CPT2: variants seen among roughly 807,000 people sequenced by gnomAD.
CPT2 encodes carnitine O-palmitoyltransferase 2, mitochondrial.
In CPT2, 37 loss-of-function variants were observed where a neutral mutation model predicts 48.6. The observed-to-expected ratio is 0.76, with a 90% CI of 0.59 to 1.00. The LOEUF (loss-of-function observed/expected upper bound fraction) is 1.00. CPT2 is among the 50% of genes least tolerant of loss of function. The probability of loss-of-function intolerance (pLI) is 0.00; values close to 1 mark genes in which losing one functional copy is unlikely to be tolerated. For missense variants in CPT2, 772 were observed against 825.6 expected, an observed-to-expected ratio of 0.94 and a Z score of 0.80; for synonymous variants, 319 against 326.9, an observed-to-expected ratio of 0.98 and a Z score of 0.26.
At chr1:53,198,884 T>A (rs1283437707) in intron 1 of CPT2, among the ~76,000 whole-genome samples, 1 of 152,152 alleles carries the variant, frequency 6.6e-6, no homozygotes, top group Non-Finnish European at 1.5e-5. Flanking sequence ...GAGATGAGAT[T>A]CCTTCTGTCG....
In CPT2 at chr1:53,211,269, T is replaced by C; in HGVS notation, c.1595T>C (p.Met532Thr). The change falls in exon 4 of 5, where the codon ATG becomes ACG. Residue 532 changes from methionine to threonine, a missense_variant. Transcript: ENST00000371486. ...AGTGCTGGTGAGCTTCAGCAGATGA[T>C]GGTTGAGTGCTCCAAGTACCATGGC... ...RHSAGELQQMMVECSKYHGQL... is the reference protein window; with the variant it reads ...RHSAGELQQMTVECSKYHGQL... 6 of 1,612,066 alleles carry C rather than the reference T, an allele frequency of 3.7e-6. No individual in the cohort carries two copies. In the South Asian group the frequency reaches 4.4e-5, roughly 12 times the overall value.
rs397509431 is a variant in CPT2, at chr1:53,210,911, CAG to C, written c.1239_1240del (p.Lys414ThrfsTer7). ...PATTDSTVTV[Q>X]KLNFELTDAL... is the part of the protein sequence containing the mutation. ...TACCACTGACTCTACTGTCACGGTGCAGAAACTCAACTTCGAGCTGACTGATG... is the reference window on the plus strand; with the variant it reads ...TACCACTGACTCTACTGTCACGGTGCAAACTCAACTTCGAGCTGACTGATG... On this transcript the variant is annotated frameshift_variant, in exon 4 of 5. Transcript: ENST00000371486. LOFTEE classifies it high-confidence loss of function. The C allele has an allele frequency of 1.2e-4, 192 of 1,614,088 alleles. No individual in the cohort carries two copies. Among genetic ancestry groups the C allele is most frequent in the Non-Finnish European group, 1.8e-5 (21 of 1,180,048 alleles).
rs1645359135 is a variant in CPT2, at chr1:53,202,342, AAG to A, written c.256_257del (p.Ser86PhefsTer2). On this transcript the variant is annotated frameshift_variant, in exon 3 of 5. Coordinates refer to ENST00000371486, the MANE Select transcript of CPT2 (RefSeq NM_000098.3). LOFTEE classifies it high-confidence loss of function. Reference sequence around the variant, plus strand: ...TTTTAGGAAAACAGAACAATTTTGCAAGAGTTTTGAAAATGGGATTGGAAAAG... The same window carrying A: ...TTTTAGGAAAACAGAACAATTTTGCAAGTTTTGAAAATGGGATTGGAAAAG... ...GQFRKTEQFC[K>X]SFENGIGKEL... The A allele has an allele frequency of 6.8e-6, 11 of 1,613,916 alleles. No homozygotes were observed. The highest frequency in any genetic ancestry group is 9.3e-6 in the Non-Finnish European group (11 of 1,179,834).
intron 4 of CPT2, 127 bp downstream of exon 4, chr1:53,211,446 A>C (rs912080501): frequency 9.9e-7 from 1 of 1,012,724 alleles, no homozygotes; most frequent in African/African-American, 1.6e-5. Context: ...CCAACTCCCC[A>C]AATTTTTCTT....
rs377616144 is a variant in CPT2 at position 53,210,987 on chromosome 1, T to C, written c.1313T>C (p.Met438Thr). The change falls in exon 4 of 5, where the codon ATG becomes ACG. Residue 438 changes from methionine (M) to threonine (T), a missense_variant. Met to Thr is a moderately conservative substitution (Grantham distance 81). Coordinates refer to ENST00000371486, the MANE Select transcript of CPT2 (RefSeq NM_000098.3). ...GCTAAGGAAAAGTTTGATGCCACCATGAAAACCCTCACTATTGACTGCGTC... is the reference window on the plus strand; with the variant it reads ...GCTAAGGAAAAGTTTGATGCCACCACGAAAACCCTCACTATTGACTGCGTC... ...TAAKEKFDAT[M>T]KTLTIDCVQF... 24 of 1,614,174 alleles carry C rather than the reference T, an allele frequency of 1.5e-5. No individual in the cohort carries two copies. The highest frequency in any genetic ancestry group is 1.9e-5 in the Non-Finnish European group (22 of 1,180,032).
At chr1:53,197,474 T>G (rs1376589043) in intron 1 of CPT2, 4 of 324,834 alleles carry the variant, frequency 1.2e-5, no homozygotes, top group African/African-American at 2.2e-5. Context: ...TGAAGTACTT[T>G]AATGACTGCC....
chr1:53,197,661 G>A (rs1486447039), intron 1 of CPT2, among the ~76,000 whole-genome samples: 1 of 151,628 alleles, frequency 6.6e-6, no homozygotes, highest in African/African-American at 2.4e-5. Flanking sequence ...CAGCCCTGAA[G>A]TGTTCACCCT....
intron 4 of CPT2, chr1:53,212,839 G>A (rs1290803270): frequency 1.1e-5 from 5 of 441,454 alleles, no homozygotes; most frequent in Non-Finnish European, 8.0e-6. Flanking sequence ...ACTGAGATTC[G>A]AACCCTGGTC....
At position 53,196,997 on chromosome 1, in the gene CPT2, G is replaced by A; in HGVS notation, c.54G>A (p.Pro18=). The A allele has an allele frequency of 5.2e-6, 8 of 1,532,212 alleles. No homozygotes were observed. The highest frequency in any genetic ancestry group is 2.4e-5 in the South Asian group (2 of 83,654). The allele number at this position is 1,532,212 out of a possible 1,614,324, so 94.9% of individuals were successfully genotyped here. ...RAWPRGPAVG[P]GAPSRPLSAG... is the part of the protein sequence containing the mutation. ...GGCCCCGGGGCCCCGCGGTTGGTCC[G>A]GGAGCCCCCAGTCGGCCCCTCAGCG... Residue 18 remains proline, a synonymous_variant, in exon 1 of 5, where the codon CCG becomes CCA. Transcript: ENST00000371486.
intron 3 of CPT2, chr1:53,207,620 CCTGG>C (rs1645396484): frequency 6.6e-6 from 1 of 152,230 alleles, no homozygotes; most frequent in African/African-American, 2.4e-5. Context: ...TGCCACGACA[CCTGG>C]CTAATTTTTT....
intron 4 of CPT2, among the ~76,000 whole-genome samples, chr1:53,211,734 G>A (rs1480965440): frequency 6.7e-6 from 1 of 149,542 alleles, no homozygotes; most frequent in Non-Finnish European, 1.5e-5. Context: ...AAGTAGCTGG[G>A]ATAATAGGCA....
At chr1:53,199,025 T>C (rs1217890995) in intron 1 of CPT2, among the ~76,000 whole-genome samples, 2 of 152,232 alleles carry the variant, frequency 1.3e-5, no homozygotes, top group Admixed American at 6.5e-5. Context: ...TCTTTAGCTA[T>C]AATTTGGGGC....
intron 3 of CPT2, chr1:53,209,711 G>A: frequency 2.7e-6 from 1 of 366,386 alleles, no homozygotes; most frequent in South Asian, 2.4e-5. Context: ...GGGAGGCGGA[G>A]GTTGCAGTGA....
chr1:53,211,368 G>C lies in CPT2; in HGVS notation c.1645+49G>C, dbSNP rs560362868. The C allele has an allele frequency of 6.6e-6, 10 of 1,505,004 alleles. 1 individual carries two copies. The South Asian group carries it at 1.2e-4, about 18-fold the overall frequency. The allele number at this position is 1,505,004 out of a possible 1,614,324, so 93.2% of individuals were successfully genotyped here. A position where few individuals can be genotyped will look rare whatever the true frequency, so the allele number is the denominator to read the frequency against. On this transcript the variant is annotated intron_variant, in intron 4 of 4. Coordinates refer to ENST00000371486, the MANE Select transcript of CPT2 (RefSeq NM_000098.3). ...CCCTTGGGTCTTGTCCTCAGTGCTT[G>C]GGTAAGCAAGCCTAAATCATTCTAC...
Position 53,210,249 on chromosome 1 carries a change from T to C in CPT2, c.575T>C (p.Ile192Thr), listed in dbSNP as rs754042241. 8 of 1,614,204 alleles carry C rather than the reference T, an allele frequency of 5.0e-6. No individual in the cohort carries two copies. In the South Asian group the frequency reaches 6.6e-5, roughly 13 times the overall value. Reference protein sequence around the residue: ...KSDTITFKRLIRFVPSSLSWY... With the variant: ...KSDTITFKRLTRFVPSSLSWY... ...GACACTATCACCTTCAAGAGACTCA[T>C]ACGCTTTGTGCCTTCCTCTCTGTCC... The change falls in exon 4 of 5, where the codon ATA becomes ACA. Residue 192 changes from isoleucine to threonine, a missense_variant. Ile to Thr is a moderately conservative substitution (Grantham distance 89). Transcript: ENST00000371486.
At chr1:53,198,598 C>A (rs1436844314) in intron 1 of CPT2, among the ~76,000 whole-genome samples, 2 of 152,216 alleles carry the variant, frequency 1.3e-5, no homozygotes, top group African/African-American at 4.8e-5. Flanking sequence ...TCTTCACTTG[C>A]CAAGTTCAGA....
At chr1:53,208,394 T>C (rs1287490875) in intron 3 of CPT2, 1 of 152,232 alleles carries the variant, frequency 6.6e-6, no homozygotes, top group African/African-American at 2.4e-5. Context: ...TGATAGTCCT[T>C]ATTTATAGAG....
intron 4 of CPT2, chr1:53,211,611 T>A (rs1440263427): frequency 7.7e-6 from 3 of 391,992 alleles, no homozygotes; most frequent in Non-Finnish European, 4.6e-6. Context: ...TTTTTTTTTT[T>A]TTTTTTTGGA....
intron 1 of CPT2, chr1:53,197,494 T>C (rs1645330743): frequency 6.7e-6 from 2 of 299,322 alleles, no homozygotes; most frequent in East Asian, 1.2e-4. Context: ...CTCACATTCC[T>C]ACCCGGAATA....
Sources: gnomAD v4.1 joint callset for allele counts (sites outside exome capture counted in the v4.1 genomes callset) on GRCh38, gnomAD v4.1.1 for gene constraint, MANE v1.5 for transcripts, NCBI Gene and HGNC (gene_info 2026-07-23, HGNC 2026-07-21) for gene names.